KCTD1: variants seen among roughly 807,000 people sequenced by gnomAD.
The protein encoded by KCTD1 is potassium channel tetramerization domain containing 1, also known as BTB/POZ domain-containing protein KCTD1.
A neutral mutation model predicts 66.0 loss-of-function variants in KCTD1; 24 were observed. That is an observed-to-expected ratio of 0.36 (90% CI 0.26 to 0.51). The LOEUF is 0.51. Among genes scored for constraint, KCTD1 ranks in the 20% least tolerant of loss-of-function variants. KCTD1 has a pLI of 0.95. For synonymous variants in KCTD1, 511 were observed against 517.2 expected, an observed-to-expected ratio of 0.99 and a Z score of 0.16; for missense variants, 943 against 1,205.2, an observed-to-expected ratio of 0.78 and a Z score of 3.22.
At chr18:26,612,671 C>T (rs1349233012) in intron 1 of KCTD1, among the ~76,000 whole-genome samples, 1 of 152,214 alleles carries the variant, frequency 6.6e-6, no homozygotes, top group Non-Finnish European at 1.5e-5. Flanking sequence ...TTCTGGCCTG[C>T]AGAACTGTGG....
intron 1 of KCTD1, among the ~76,000 whole-genome samples, chr18:26,509,517 C>T (rs1023663133): frequency 1.3e-5 from 2 of 152,178 alleles, no homozygotes; most frequent in East Asian, 1.9e-4. Flanking sequence ...AACCATGTAT[C>T]GTTTCTTTGT....
In KCTD1 at chr18:26,476,449, A is replaced by AT; in HGVS notation, c.2133+65dup. 6.8e-7 allele frequency: 1 copy of AT among 1,467,326 alleles called. No individual in the cohort carries two copies. Among genetic ancestry groups the AT allele is most frequent in the Non-Finnish European group, 9.2e-7 (1 of 1,082,154 alleles). The allele number at this position is 1,467,326 out of a possible 1,614,324, so 90.9% of individuals were successfully genotyped here. A position where few individuals can be genotyped will look rare whatever the true frequency, so the allele number is the denominator to read the frequency against. ...ATGTTAATAATGTAGAACTAGAAAT[A>AT]TTTTTTTGGAGCACATAAAAAAATC... On this transcript the variant is annotated intron_variant, in intron 3 of 4. Transcript: ENST00000580059. The surrounding 1 kb of genome is among the most constrained non-coding windows in gnomAD (Gnocchi z 4.9).
intron 3 of KCTD1, among the ~76,000 whole-genome samples, chr18:26,467,338 G>GT (rs989832366): frequency 2.6e-5 from 4 of 152,130 alleles, no homozygotes; most frequent in Non-Finnish European, 5.9e-5. Context: ...TGGCGGCTCA[G>GT]TGAGACCGTC....
intron 4 of KCTD1, 181 bp downstream of exon 4, chr18:26,459,439 C>G: frequency 1.6e-6 from 1 of 610,874 alleles, no homozygotes; most frequent in Middle Eastern, 4.4e-4. Context: ...ATCCCAGCAC[C>G]TGGCACAATC....
intron 1 of KCTD1, among the ~76,000 whole-genome samples, chr18:26,507,852 C>A (rs1407359728): frequency 1.3e-5 from 2 of 152,116 alleles, no homozygotes; most frequent in African/African-American, 4.8e-5. Context: ...ACACTGGCCA[C>A]CTTTGGGAGT....
chr18:26,612,232 A>C (rs1400049881), intron 1 of KCTD1, among the ~76,000 whole-genome samples: 2 of 150,542 alleles, frequency 1.3e-5, no homozygotes, highest in African/African-American at 4.9e-5. Context: ...TGACTTGCAA[A>C]CTCTGGCAGC....
intron 1 of KCTD1, among the ~76,000 whole-genome samples, chr18:26,655,125 C>T (rs935488479): frequency 6.6e-6 from 1 of 152,184 alleles, no homozygotes; most frequent in African/African-American, 2.4e-5. Flanking sequence ...TCAGCCTCAG[C>T]CTTTTAAAAT....
At chr18:26,487,903 AT>A (rs1981997223) in intron 2 of KCTD1, among the ~76,000 whole-genome samples, 1 of 152,092 alleles carries the variant, frequency 6.6e-6, no homozygotes, top group Non-Finnish European at 1.5e-5. Context: ...AGGATTCCTC[AT>A]TTTTTTCCTC....
At chr18:26,618,097 T>TA (rs1295160624) in intron 1 of KCTD1, among the ~76,000 whole-genome samples, 7,100 of 146,304 alleles carry the variant, frequency 0.049, 377 homozygotes, top group African/African-American at 0.13. Context: ...GACCTAGGTT[T>TA]AAAAAAAAAC....
chr18:26,501,753 G>C (rs1982773795), intron 1 of KCTD1, among the ~76,000 whole-genome samples: 1 of 152,110 alleles, frequency 6.6e-6, no homozygotes, highest in South Asian at 2.1e-4. Context: ...TTCAAATCAG[G>C]AAAAAGAGAG....
intron 1 of KCTD1, among the ~76,000 whole-genome samples, chr18:26,575,962 C>T (rs920847181): frequency 6.6e-6 from 1 of 152,194 alleles, no homozygotes; most frequent in African/African-American, 2.4e-5. Flanking sequence ...TAAATGCTTA[C>T]ACATTCCAGA....
intron 1 of KCTD1, among the ~76,000 whole-genome samples, chr18:26,592,973 G>A (rs1158428231): frequency 1.3e-5 from 2 of 152,208 alleles, no homozygotes; most frequent in African/African-American, 4.8e-5. Context: ...TAGCAACACA[G>A]CTGATGCTCA....
At chr18:26,511,475 C>T (rs976142347) in intron 1 of KCTD1, among the ~76,000 whole-genome samples, 3 of 152,184 alleles carry the variant, frequency 2.0e-5, no homozygotes, top group African/African-American at 7.2e-5. Context: ...GCCTGTGTTT[C>T]CTGAAGTCGC....
intron 1 of KCTD1, among the ~76,000 whole-genome samples, chr18:26,590,187 A>T (rs1426451634): frequency 6.6e-6 from 1 of 151,742 alleles, no homozygotes; most frequent in African/African-American, 2.4e-5. Context: ...GGGTTCAAGC[A>T]GTTCTCCTGC....
chr18:26,615,469 A>G (rs959114865), intron 1 of KCTD1, among the ~76,000 whole-genome samples: 4 of 152,206 alleles, frequency 2.6e-5, no homozygotes, highest in Non-Finnish European at 5.9e-5. Context: ...AACAAGTAGT[A>G]CTGAGCATTT....
intron 1 of KCTD1, 41 bp from the exon 2 acceptor site, chr18:26,501,291 C>T: frequency 9.1e-6 from 14 of 1,540,146 alleles, no homozygotes; most frequent in Non-Finnish European, 1.2e-5. Flanking sequence ...TTTCTCTTTA[C>T]AGTAGAAAGA....
At chr18:26,458,114 C>CA (rs1303610444) in intron 4 of KCTD1, 1 of 152,272 alleles carries the variant, frequency 6.6e-6, no homozygotes, top group Non-Finnish European at 1.5e-5. Flanking sequence ...GGGAGCACCA[C>CA]ACACCTCCAG....
At chr18:26,457,216 C>T (rs1302503645) in intron 4 of KCTD1, 1 of 152,032 alleles carries the variant, frequency 6.6e-6, no homozygotes, top group Non-Finnish European at 1.5e-5. Context: ...CAGCAGTGCT[C>T]TATTTCTGTA....
chr18:26,486,213 G>C (rs1218935376), intron 2 of KCTD1, among the ~76,000 whole-genome samples: 1 of 152,162 alleles, frequency 6.6e-6, no homozygotes. Context: ...ACCCGGCCCT[G>C]ATTTAATCTT....
Sources: gnomAD v4.1 joint callset for allele counts (sites outside exome capture counted in the v4.1 genomes callset) on GRCh38, gnomAD v4.1.1 for gene constraint, Gnocchi (gnomAD v3.1) non-coding constraint, MANE v1.5 for transcripts, NCBI Gene and HGNC (gene_info 2026-07-23, HGNC 2026-07-21) for gene names.